The following SCOC variants were observed in gnomAD, a reference collection of about 807,000 sequenced individuals.
SCOC encodes short coiled coil protein.
A neutral mutation model predicts 9.9 loss-of-function variants in SCOC; 7 were observed. The observed-to-expected ratio is 0.71, with a 90% CI of 0.40 to 1.33. SCOC has a LOEUF of 1.33. Among genes scored for constraint, SCOC ranks in the 40% most tolerant of loss-of-function variants. The probability of loss-of-function intolerance (pLI) is 0.01; values close to 1 mark genes in which losing one functional copy is unlikely to be tolerated. For missense variants in SCOC, 66 were observed against 89.7 expected (o/e 0.74, Z 1.07); for synonymous variants, 19 against 28.2 (o/e 0.67, Z 1.03).
At chr4:140,377,940 G>A (rs1406098186) in intron 1 of SCOC, among the ~76,000 whole-genome samples, 1 of 152,176 alleles carries the variant, frequency 6.6e-6, no homozygotes, top group Admixed American at 6.5e-5. Flanking sequence ...CAATGTAGTA[G>A]ATTAGATTGG....
At chr4:140,289,723 C>G (rs1731412516) in intron 1 of SCOC, among the ~76,000 whole-genome samples, 1 of 152,172 alleles carries the variant, frequency 6.6e-6, no homozygotes, top group Non-Finnish European at 1.5e-5. Context: ...TCCAGATCAG[C>G]CTTTTCAAGT....
chr4:140,362,273 C>CTGTTCTTCTTCTTCCTCTTCTTCTTCTT, intron 2 of SCOC, among the ~76,000 whole-genome samples: 2 of 29,076 alleles, frequency 6.9e-5, no homozygotes, highest in Non-Finnish European at 7.6e-5. Context: ...ACAGGTGTGT[C>CTGTTCTTCTTCTTCCTCTTCTTCTTCTT]CTTACTTCTT....
chr4:140,353,346 C>G (rs1381605161), intron 2 of SCOC, among the ~76,000 whole-genome samples: 1 of 152,150 alleles, frequency 6.6e-6, no homozygotes, highest in Non-Finnish European at 1.5e-5. Flanking sequence ...ATTGTAAAAA[C>G]TGCTCCAGAA....
chr4:140,272,959 C>T (rs1030277072), intron 1 of SCOC, among the ~76,000 whole-genome samples: 1 of 152,166 alleles, frequency 6.6e-6, no homozygotes, highest in Admixed American at 6.5e-5. Flanking sequence ...CTCCGAAGGC[C>T]CCTCTTTTCT....
chr4:140,314,289 G>T, intron 1 of SCOC: 1 of 175,516 alleles, frequency 5.7e-6, no homozygotes, highest in East Asian at 1.4e-4. Context: ...GAGCTCCCAA[G>T]AGAGGGTTTT....
At chr4:140,278,262 C>T (rs776894769) in intron 1 of SCOC, among the ~76,000 whole-genome samples, 5 of 151,732 alleles carry the variant, frequency 3.3e-5, no homozygotes, top group Non-Finnish European at 7.4e-5. Context: ...GCTGTGTCCT[C>T]TCACAGTGGA....
chr4:140,346,126 C>T (rs1215699745), intron 2 of SCOC, among the ~76,000 whole-genome samples: 1 of 152,166 alleles, frequency 6.6e-6, no homozygotes, highest in Non-Finnish European at 1.5e-5. Context: ...CCCTTCTCAT[C>T]TTACAGTTTC....
At chr4:140,310,680 T>C (rs907667160) in intron 1 of SCOC, among the ~76,000 whole-genome samples, 7 of 152,324 alleles carry the variant, frequency 4.6e-5, no homozygotes, top group Admixed American at 2.6e-4. Context: ...CACTTTTCCC[T>C]GAGGGACTAG....
intron 1 of SCOC, among the ~76,000 whole-genome samples, chr4:140,262,047 T>G (rs1045480044): frequency 1.3e-5 from 2 of 152,244 alleles, no homozygotes; most frequent in Admixed American, 6.5e-5. Context: ...GAATTTAGTG[T>G]TTGAAAGATG....
exon 2 of SCOC, chr4:140,343,625 G>A (rs376723634): frequency 1.2e-4 from 193 of 1,611,460 alleles, no homozygotes; most frequent in Non-Finnish European, 1.6e-4. Flanking sequence ...TAACAGGTCT[G>A]AAAATTGAAC....
At chr4:140,309,551 T>C (rs544514528) in intron 1 of SCOC, among the ~76,000 whole-genome samples, 1 of 152,222 alleles carries the variant, frequency 6.6e-6, no homozygotes, top group Non-Finnish European at 1.5e-5. Flanking sequence ...CACCACTTTA[T>C]ACTTTGTGGA....
In SCOC at chr4:140,383,158, C is replaced by T. The variant is rs1728622252; in HGVS notation, c.*2054C>T. 6.6e-6 allele frequency: 1 copy of T among 152,194 alleles called. No homozygotes were observed. The highest frequency in any genetic ancestry group is 2.1e-4 in the South Asian group (1 of 4,832). 9.4% of individuals were successfully genotyped at this position (152,194 alleles called of 1,614,324 possible). ...AGGAGCTGAGAAATGTAGTCCCTGG[C>T]TGGGAAGCCATCTTCCAGCTATAAA... On this transcript the variant is annotated 3_prime_UTR_variant, in exon 4 of 4. Transcript: ENST00000608372.
At chr4:140,270,230 C>T (rs566973213) in intron 1 of SCOC, among the ~76,000 whole-genome samples, 1 of 152,308 alleles carries the variant, frequency 6.6e-6, no homozygotes, top group Admixed American at 6.5e-5. Flanking sequence ...GGATACCATT[C>T]ACTGAAGTAT....
intron 2 of SCOC, among the ~76,000 whole-genome samples, chr4:140,360,331 T>C (rs1276243986): frequency 6.6e-6 from 1 of 152,200 alleles, no homozygotes; most frequent in Non-Finnish European, 1.5e-5. Flanking sequence ...AATAGTTCCC[T>C]GTGTAGAACC....
intron 1 of SCOC, among the ~76,000 whole-genome samples, chr4:140,300,313 TCA>T (rs1731776543): frequency 6.6e-6 from 1 of 152,186 alleles, no homozygotes; most frequent in Non-Finnish European, 1.5e-5. Context: ...CTTCCTGATC[TCA>T]GTCTGCCCTG....
chr4:140,296,308 T>C (rs771183625), intron 1 of SCOC, among the ~76,000 whole-genome samples: 10 of 152,182 alleles, frequency 6.6e-5, no homozygotes, highest in Non-Finnish European at 1.2e-4. Flanking sequence ...AAACCAGCAA[T>C]GGGCAAAATT....
intron 2 of SCOC, chr4:140,366,865 G>T: frequency 1.3e-6 from 1 of 751,594 alleles, no homozygotes; most frequent in Non-Finnish European, 2.4e-6. Flanking sequence ...CACCATGTTG[G>T]TGGCGTTTGG....
chr4:140,311,541 C>A (rs529689958), intron 1 of SCOC, among the ~76,000 whole-genome samples: 2 of 152,202 alleles, frequency 1.3e-5, no homozygotes, highest in South Asian at 4.2e-4. Flanking sequence ...ACCCCACACC[C>A]CATGATCCAA....
intron 1 of SCOC, among the ~76,000 whole-genome samples, chr4:140,274,112 G>A (rs565352549): frequency 6.6e-6 from 1 of 152,336 alleles, no homozygotes; most frequent in South Asian, 2.1e-4. Flanking sequence ...GGGAAAAGAA[G>A]CAATTCCTAA....
Sources: allele counts gnomAD v4.1 joint callset (sites outside exome capture counted in the v4.1 genomes callset), GRCh38; gene constraint gnomAD v4.1.1; transcripts MANE v1.5; gene names NCBI Gene and HGNC (gene_info 2026-07-23, HGNC 2026-07-21).